Variants in PVT1 observed in about 807,000 individuals in gnomAD.
The protein encoded by PVT1 is Pvt1 oncogene, also known as CXCR4/PVT1 fusion.
intron 4 of PVT1, among the ~76,000 whole-genome samples, chr8:128,057,772 G>A (rs1477703003): frequency 6.6e-6 from 1 of 152,128 alleles, no homozygotes; most frequent in African/African-American, 2.4e-5. Context: ...TCTCCCCCAC[G>A]GTGTGTGCGG....
chr8:127,830,892 G>A (rs1814840975), intron 2 of PVT1, among the ~76,000 whole-genome samples: 1 of 152,042 alleles, frequency 6.6e-6, no homozygotes. Context: ...CTCCCATACT[G>A]GATGCTTCCT....
intron 2 of PVT1, among the ~76,000 whole-genome samples, chr8:127,842,191 G>T: frequency 6.7e-6 from 1 of 150,022 alleles, no homozygotes; most frequent in Non-Finnish European, 1.5e-5. Context: ...TTTTTTTTAA[G>T]TCAATTTAGA....
In PVT1 at chr8:127,967,886, A is replaced by G. The variant is rs148874332; in HGVS notation, n.783-21276A>G. Among the ~76,000 whole-genome samples the G allele has an allele frequency of 9.2e-5, 14 of 152,356 alleles. No individual in the cohort carries two copies. The East Asian group carries it at 2.7e-3, about 29-fold the overall frequency. On this transcript the variant is annotated intron_variant and non_coding_transcript_variant, in intron 3 of 10. Transcript: ENST00000651587. ...ACAGACTGGAAAAGTCTTTCTGGTC[A>G]GTTTGCCTCCACTGACATTTATTGA...
intron 4 of PVT1, among the ~76,000 whole-genome samples, chr8:128,025,385 C>G (rs1817481464): frequency 6.6e-6 from 1 of 152,120 alleles, no homozygotes; most frequent in East Asian, 1.9e-4. Context: ...CCTGATGTAC[C>G]CAGAGGAGAA....
chr8:128,075,443 C>T (rs1381311505), intron 5 of PVT1, among the ~76,000 whole-genome samples: 1 of 151,510 alleles, frequency 6.6e-6, no homozygotes, highest in African/African-American at 2.4e-5. Flanking sequence ...CTATTTTCTC[C>T]TTTTTTTAAA....
chr8:127,878,681 G>A (rs1815431765), intron 2 of PVT1, among the ~76,000 whole-genome samples: 1 of 152,182 alleles, frequency 6.6e-6, no homozygotes, highest in South Asian at 2.1e-4. Context: ...CTATCGTGAG[G>A]TAACCCTGGG....
At chr8:128,067,016 T>C (rs904907311) in intron 4 of PVT1, among the ~76,000 whole-genome samples, 4 of 152,170 alleles carry the variant, frequency 2.6e-5, no homozygotes. Flanking sequence ...CTACCTGTCC[T>C]GTGGGTATCC....
At chr8:127,833,141 T>C (rs1272928351) in intron 2 of PVT1, among the ~76,000 whole-genome samples, 2 of 152,180 alleles carry the variant, frequency 1.3e-5, no homozygotes, top group African/African-American at 4.8e-5. Context: ...TGCCATAATC[T>C]GTTGGGCCCT....
chr8:128,065,264 T>C (rs1813891265), intron 4 of PVT1, among the ~76,000 whole-genome samples: 1 of 152,094 alleles, frequency 6.6e-6, no homozygotes, highest in East Asian at 1.9e-4. Flanking sequence ...TGATCTCAGC[T>C]CACTGCAATC....
At chr8:127,820,079 G>A (rs1814712528) in intron 2 of PVT1, among the ~76,000 whole-genome samples, 1 of 152,210 alleles carries the variant, frequency 6.6e-6, no homozygotes, top group Admixed American at 6.5e-5. Flanking sequence ...AGTTCAGCTT[G>A]CTTGGGATGC....
rs545760757 is a variant in PVT1 at position 127,819,008 on chromosome 8, A to T, written n.372+22937A>T. On this transcript the variant is annotated intron_variant and non_coding_transcript_variant, in intron 2 of 10. Coordinates refer to ENST00000651587, the Ensembl canonical transcript of PVT1. The stretch of plus-strand genomic sequence containing the variant: ...TAGCTGGGACTTGCAGGCAAGTGCT[A>T]CCGCTCCTAGCTAATTTGTTTTATT... Among the ~76,000 whole-genome samples the T allele has an allele frequency of 2.3e-3, 357 of 152,236 alleles. 1 individual carries two copies. Among genetic ancestry groups the T allele is most frequent in the Non-Finnish European group, 2.5e-3 (167 of 68,016 alleles).
chr8:128,050,751 C>T (rs760675535), intron 4 of PVT1, among the ~76,000 whole-genome samples: 2 of 152,204 alleles, frequency 1.3e-5, no homozygotes, highest in Non-Finnish European at 2.9e-5. Flanking sequence ...AAGAACCTGT[C>T]TAAAGGCTCC....
At chr8:128,002,317 C>T (rs1400863638) in intron 4 of PVT1, among the ~76,000 whole-genome samples, 1 of 152,192 alleles carries the variant, frequency 6.6e-6, no homozygotes, top group African/African-American at 2.4e-5. Flanking sequence ...CCAATCTGGC[C>T]TCTGCACCTG....
At chr8:127,914,815 GTTTTTTTTT>G (rs1181623236) in intron 3 of PVT1, among the ~76,000 whole-genome samples, 1 of 130,812 alleles carries the variant, frequency 7.6e-6, no homozygotes, top group Non-Finnish European at 1.6e-5. Flanking sequence ...GTTGTTGTTG[GTTTTTTTTT>G]TTTTTTTTTT....
chr8:127,974,751 TG>T (rs1202074099), intron 3 of PVT1, among the ~76,000 whole-genome samples: 1 of 152,220 alleles, frequency 6.6e-6, no homozygotes, highest in Non-Finnish European at 1.5e-5. Flanking sequence ...TACACAGCAT[TG>T]TATTTCCAAA....
chr8:128,016,723 C>T (rs1817379097), intron 4 of PVT1, among the ~76,000 whole-genome samples: 1 of 152,206 alleles, frequency 6.6e-6, no homozygotes, highest in South Asian at 2.1e-4. Context: ...GCTCTTTAAA[C>T]ACTCACAATT....
At chr8:127,832,887 T>C (rs1814869031) in intron 2 of PVT1, among the ~76,000 whole-genome samples, 1 of 152,048 alleles carries the variant, frequency 6.6e-6, no homozygotes, top group African/African-American at 2.4e-5. Flanking sequence ...CTTGCACAAT[T>C]GGATAAGGTA....
intron 4 of PVT1, among the ~76,000 whole-genome samples, chr8:128,055,476 A>C (rs1813751999): frequency 1.3e-5 from 2 of 152,226 alleles, no homozygotes. Flanking sequence ...CACTTAATAC[A>C]CTGCCTGGCC....
intron 4 of PVT1, among the ~76,000 whole-genome samples, chr8:128,053,374 T>TAC (rs781195455): frequency 4.9e-4 from 73 of 150,138 alleles, no homozygotes; most frequent in South Asian, 1.0e-3. Flanking sequence ...CATATATATA[T>TAC]ACACACACAC....
Sources: allele counts gnomAD v4.1 joint callset (sites outside exome capture counted in the v4.1 genomes callset), GRCh38; gene constraint gnomAD v4.1.1; transcripts MANE v1.5; gene names NCBI Gene and HGNC (gene_info 2026-07-23, HGNC 2026-07-21).